Variants in SCMH1 observed in about 807,000 individuals in gnomAD.
SCMH1 encodes the protein Scm polycomb group protein homolog 1.
Under a neutral mutation model 70.8 loss-of-function variants are expected in SCMH1, and 37 were observed. The observed-to-expected ratio is 0.52, with a 90% CI of 0.40 to 0.69. The LOEUF is 0.69. SCMH1 is among the 30% of genes least tolerant of loss of function. The probability of loss-of-function intolerance (pLI) is 0.00; values close to 1 mark genes in which losing one functional copy is unlikely to be tolerated. For missense variants in SCMH1, 607 were observed against 827.3 expected (o/e 0.73, Z 3.27); for synonymous variants, 292 against 307.4 (o/e 0.95, Z 0.52).
rs142601470 is a variant in SCMH1, at chr1:41,030,805, G to A, written c.1679-2079C>T. 2.4e-3 allele frequency among the ~76,000 whole-genome samples: 368 copies of A among 152,232 alleles called. 2 individuals are homozygous for A. Among genetic ancestry groups the A allele is most frequent in the African/African-American group, 8.2e-3 (341 of 41,512 alleles). ...GTTGCTGACACATAAAAGAGTGCCTGGTCTGCCACAGTAGATGTTCGAACA... is the reference window on the plus strand; with the variant it reads ...GTTGCTGACACATAAAAGAGTGCCTAGTCTGCCACAGTAGATGTTCGAACA... On this transcript the variant is annotated intron_variant, in intron 13 of 14. Coordinates refer to ENST00000337495, the Ensembl canonical transcript of SCMH1.
intron 6 of SCMH1, among the ~76,000 whole-genome samples, chr1:41,130,959 C>T (rs984319273): frequency 6.6e-6 from 1 of 151,814 alleles, no homozygotes; most frequent in Admixed American, 6.6e-5. Context: ...TTTTTTTGTG[C>T]TTTTGGTGCT....
intron 1 of SCMH1, among the ~76,000 whole-genome samples, chr1:41,193,178 A>G (rs1386429569): frequency 6.6e-6 from 1 of 152,196 alleles, no homozygotes; most frequent in Non-Finnish European, 1.5e-5. Flanking sequence ...CATACACTAT[A>G]TCGTTTTACA....
chr1:41,036,391 C>T (rs1446860560), intron 13 of SCMH1, among the ~76,000 whole-genome samples: 2 of 152,180 alleles, frequency 1.3e-5, no homozygotes, highest in Non-Finnish European at 2.9e-5. Context: ...GGGAGACAGT[C>T]CTCACTCCCT....
rs569989472 is a variant in SCMH1, at chr1:41,075,587, T to C, written c.746-136A>G. On this transcript the variant is annotated intron_variant, in intron 8 of 14. Transcript: ENST00000337495. ...CTGGTTTCCTGGCATTTGACCTAAATGTTAAGGAAATCTCTGAAGAAGACT... is the reference window on the plus strand; with the variant it reads ...CTGGTTTCCTGGCATTTGACCTAAACGTTAAGGAAATCTCTGAAGAAGACT... 7.1e-5 allele frequency: 47 copies of C among 664,010 alleles called. No individual in the cohort carries two copies. The African/African-American group carries it at 8.0e-4, about 11-fold the overall frequency. 41.1% of individuals were successfully genotyped at this position (664,010 alleles called of 1,614,324 possible).
At chr1:41,173,161 C>T (rs1646896606) in intron 2 of SCMH1, among the ~76,000 whole-genome samples, 1 of 152,008 alleles carries the variant, frequency 6.6e-6, no homozygotes, top group Admixed American at 6.5e-5. Context: ...GAAAAGAGTA[C>T]AGAATGGGAG....
intron 2 of SCMH1, 60 bp from the exon 3 acceptor site, chr1:41,161,492 A>T (rs1646027823): frequency 6.7e-7 from 1 of 1,502,042 alleles, no homozygotes; most frequent in Admixed American, 2.5e-5. Context: ...ATACTTTTCC[A>T]ATTTGGCAGT....
At chr1:41,065,239 T>G (rs903824306) in intron 10 of SCMH1, among the ~76,000 whole-genome samples, 1 of 151,900 alleles carries the variant, frequency 6.6e-6, no homozygotes, top group Non-Finnish European at 1.5e-5. Context: ...TCCCAGCACT[T>G]TGGGAGATCA....
At chr1:41,179,075 A>C (rs1249666830) in intron 2 of SCMH1, among the ~76,000 whole-genome samples, 1 of 152,240 alleles carries the variant, frequency 6.6e-6, no homozygotes, top group Admixed American at 6.5e-5. Context: ...CTCAGGATTA[A>C]GAAACTCACT....
chr1:41,155,125 T>A (rs1645402297), intron 4 of SCMH1, among the ~76,000 whole-genome samples: 1 of 152,184 alleles, frequency 6.6e-6, no homozygotes, highest in Non-Finnish European at 1.5e-5. Flanking sequence ...TAGTAAATAA[T>A]GCTTATAAAA....
rs1424235182 is a variant in SCMH1, at chr1:41,208,049, G to C, written c.-117-21799C>G. On this transcript the variant is annotated intron_variant, in intron 1 of 14. Transcript: ENST00000337495. ...CCCAAATGTCCAACAATGATAGACT[G>C]GATTAAGAAAATGTGGCACATATAC... Among the ~76,000 whole-genome samples the C allele has an allele frequency of 4.4e-5, 5 of 114,792 alleles. No homozygotes were observed. In the East Asian group the frequency reaches 1.2e-3, roughly 27 times the overall value. The allele number at this position is 114,792 out of a possible 152,430, so 75.3% of individuals were successfully genotyped here. A position where few individuals can be genotyped will look rare whatever the true frequency, so the allele number is the denominator to read the frequency against.
chr1:41,102,591 C>T (rs1355821291), intron 8 of SCMH1, among the ~76,000 whole-genome samples: 1 of 152,180 alleles, frequency 6.6e-6, no homozygotes, highest in African/African-American at 2.4e-5. Context: ...CTGGGGACTT[C>T]AGGCTGATAA....
At position 41,118,837 on chromosome 1, in the gene SCMH1, C is replaced by T. The variant is rs144300861; in HGVS notation, c.413-1827G>A. On this transcript the variant is annotated intron_variant, in intron 6 of 14. Transcript: ENST00000337495. The stretch of plus-strand genomic sequence containing the variant: ...TTGAGCATTTCCCAAACTACCTCAG[C>T]CTTCCCACTCCAAACAAAAGAACAG... Among the ~76,000 whole-genome samples, 929 of 152,350 alleles carry T rather than the reference C, an allele frequency of 6.1e-3. 14 individuals are homozygous for T. The highest frequency in any genetic ancestry group is 0.021 in the African/African-American group (888 of 41,570).
At chr1:41,107,832 A>T (rs2147794891) in intron 8 of SCMH1, among the ~76,000 whole-genome samples, 1 of 152,318 alleles carries the variant, frequency 6.6e-6, no homozygotes, top group African/African-American at 2.4e-5. Flanking sequence ...ATTACAATTT[A>T]ATTAACTCTT....
At chr1:41,166,644 A>G (rs929612425) in intron 2 of SCMH1, among the ~76,000 whole-genome samples, 3 of 138,322 alleles carry the variant, frequency 2.2e-5, no homozygotes, top group African/African-American at 8.7e-5. Flanking sequence ...TCTTTTTCAG[A>G]AAGTTCACTG....
intron 1 of SCMH1, among the ~76,000 whole-genome samples, chr1:41,213,494 T>C (rs916315415): frequency 3.3e-5 from 5 of 152,158 alleles, no homozygotes; most frequent in Admixed American, 1.3e-4. Context: ...CCAGGTTTTA[T>C]GGGTTTTCTG....
At chr1:41,171,219 G>C (rs998325477) in intron 2 of SCMH1, among the ~76,000 whole-genome samples, 1 of 152,210 alleles carries the variant, frequency 6.6e-6, no homozygotes, top group African/African-American at 2.4e-5. Context: ...GTGGCTGGTT[G>C]ATTACAATGG....
At chr1:41,155,971 T>A (rs1645494239) in intron 4 of SCMH1, among the ~76,000 whole-genome samples, 1 of 100,370 alleles carries the variant, frequency 1.0e-5, no homozygotes. Context: ...GGTGACAGAG[T>A]AAGACTCCGT....
chr1:41,028,106 G>A, exon 15 of SCMH1: 1 of 1,544,082 alleles, frequency 6.5e-7, no homozygotes, highest in Admixed American at 1.7e-5. Context: ...GAACCCCACT[G>A]AGGTGCCTGG....
intron 1 of SCMH1, among the ~76,000 whole-genome samples, chr1:41,200,356 TGTAGTCCCAGCTACGCAG>T (rs1267878483): frequency 6.6e-6 from 1 of 152,016 alleles, no homozygotes; most frequent in Non-Finnish European, 1.5e-5. Flanking sequence ...GGTAGGCACC[TGTAGTCCCAGCTACGCAG>T]GAGGCTGAGG....
Sources: allele counts gnomAD v4.1 joint callset (sites outside exome capture counted in the v4.1 genomes callset), GRCh38; gene constraint gnomAD v4.1.1; transcripts MANE v1.5; gene names NCBI Gene and HGNC (gene_info 2026-07-23, HGNC 2026-07-21).